CSMD2: variants seen among roughly 807,000 people sequenced by gnomAD.
CSMD2 encodes CUB and Sushi multiple domains 2, also known as CUB and sushi domain-containing protein 2.
In CSMD2, 130 loss-of-function variants were observed where a neutral mutation model predicts 398.5. The observed-to-expected ratio is 0.33, with a 90% CI of 0.28 to 0.38. CSMD2 has a LOEUF of 0.38. Among genes scored for constraint, CSMD2 ranks in the 10% least tolerant of loss-of-function variants. The pLI, the probability that CSMD2 is intolerant of heterozygous loss-of-function variation, is 1.00. For synonymous variants in CSMD2, 1,828 were observed against 1,908.5 expected, an observed-to-expected ratio of 0.96 and a Z score of 1.10; for missense variants, 3,829 against 4,764.9, an observed-to-expected ratio of 0.80 and a Z score of 5.78.
intron 5 of CSMD2, among the ~76,000 whole-genome samples, chr1:33,907,317 C>G (rs535100492): frequency 6.7e-6 from 1 of 150,272 alleles, no homozygotes; most frequent in Non-Finnish European, 1.5e-5. Flanking sequence ...TTAGTAGAGA[C>G]GGGGTTTCAC....
Position 33,577,150 on chromosome 1 carries a change from A to G in CSMD2, c.7576+146T>C, listed in dbSNP as rs543375450. Reference sequence around the variant, plus strand: ...TCTCAAAACACTGAGATTGCTACGCACTACAGATCTTGTAAATGCTTGTGG... The same window carrying G: ...TCTCAAAACACTGAGATTGCTACGCGCTACAGATCTTGTAAATGCTTGTGG... On this transcript the variant is annotated intron_variant, in intron 49 of 70. Transcript: ENST00000373381. The G allele has an allele frequency of 5.5e-6, 4 of 730,568 alleles. No individual in the cohort carries two copies. The Admixed American group carries it at 1.2e-4, about 22-fold the overall frequency. 45.3% of individuals were successfully genotyped at this position (730,568 alleles called of 1,614,324 possible). A position where few individuals can be genotyped will look rare whatever the true frequency, so the allele number is the denominator to read the frequency against.
At position 33,950,553 on chromosome 1, in the gene CSMD2, G is replaced by C. The variant is rs559745469; in HGVS notation, c.518-14599C>G. Among the ~76,000 whole-genome samples, 14 of 152,276 alleles carry C rather than the reference G, an allele frequency of 9.2e-5. No homozygotes were observed. The South Asian group carries it at 2.9e-3, about 32-fold the overall frequency. ...GGTATGTGCAGGGACATGGCATGTG[G>C]GTATTCAGGTAGGAGAGCCTGTTGA... is the stretch of plus-strand genomic sequence containing the variant. On this transcript the variant is annotated intron_variant, in intron 3 of 70. Coordinates refer to ENST00000373381, the MANE Select transcript of CSMD2 (RefSeq NM_001281956.2).
intron 2 of CSMD2, among the ~76,000 whole-genome samples, chr1:34,061,778 G>A (rs74962780): frequency 0.035 from 5,329 of 152,212 alleles, 342 homozygotes; most frequent in African/African-American, 0.12. Context: ...ATAGCTCATC[G>A]TGACTGCAAT....
chr1:33,745,262 A>G (rs972333988), intron 13 of CSMD2, among the ~76,000 whole-genome samples: 6 of 152,190 alleles, frequency 3.9e-5, no homozygotes, highest in African/African-American at 1.4e-4. Flanking sequence ...GCCCCCAAAT[A>G]AAAACTATAT....
At chr1:34,017,993 A>G (rs1395926383) in intron 3 of CSMD2, among the ~76,000 whole-genome samples, 1 of 152,066 alleles carries the variant, frequency 6.6e-6, no homozygotes, top group Non-Finnish European at 1.5e-5. Context: ...CCCATTTGCT[A>G]TTTATCACAC....
In CSMD2 at chr1:33,903,045, G is replaced by C. The variant is rs562466234; in HGVS notation, c.920+15049C>G. ...AAGTGAGTGAATAGCTGAAACTGAC[G>C]TGGCTGCAGAAATTGACATCAAGTG... On this transcript the variant is annotated intron_variant, in intron 5 of 70. Coordinates refer to ENST00000373381, the MANE Select transcript of CSMD2 (RefSeq NM_001281956.2). Among the ~76,000 whole-genome samples, 3 of 152,298 alleles carry C rather than the reference G, an allele frequency of 2.0e-5. No individual in the cohort carries two copies. In the South Asian group the frequency reaches 6.2e-4, roughly 32 times the overall value.
rs766151159 is a variant in CSMD2, at chr1:33,636,601, G to A, written c.4775-47C>T. On this transcript the variant is annotated intron_variant, in intron 29 of 70. Transcript: ENST00000373381. This position sits in a 1 kb window ranked among gnomAD's most constrained non-coding sequence, Gnocchi z 4.8. The stretch of plus-strand genomic sequence containing the variant: ...ACGTGCACACACACAGAGGGCTCAT[G>A]AGGAGGCTATTCTTGGGCTCCAGTG... The A allele has an allele frequency of 2.6e-6, 4 of 1,550,488 alleles. No homozygotes were observed. Among genetic ancestry groups the A allele is most frequent in the Non-Finnish European group, 3.5e-6 (4 of 1,128,086 alleles).
intron 7 of CSMD2, among the ~76,000 whole-genome samples, chr1:33,822,563 A>G (rs1278604839): frequency 1.3e-5 from 2 of 151,922 alleles, no homozygotes; most frequent in African/African-American, 4.8e-5. Context: ...TCTTACGCCC[A>G]TCCCCTTCCT....
Position 34,009,132 on chromosome 1 carries a change from A to G in CSMD2, c.517+23462T>C, listed in dbSNP as rs538329990. 4.3e-4 allele frequency among the ~76,000 whole-genome samples: 66 copies of G among 152,252 alleles called. 3 individuals carry two copies. The South Asian group carries it at 0.014, about 32-fold the overall frequency. Reference sequence around the variant, plus strand: ...TCCTTCTCAGGACCCTTTCTCTCTCAGGACTTAGTGATCCTTTTCTCTTTT... The same window carrying G: ...TCCTTCTCAGGACCCTTTCTCTCTCGGGACTTAGTGATCCTTTTCTCTTTT... On this transcript the variant is annotated intron_variant, in intron 3 of 70. Transcript: ENST00000373381.
intron 14 of CSMD2, among the ~76,000 whole-genome samples, chr1:33,739,543 A>T (rs1456288854): frequency 2.0e-5 from 3 of 152,226 alleles, no homozygotes; most frequent in African/African-American, 7.2e-5. Context: ...CGAGCACCTA[A>T]TCCCACTGCA....
rs114610504 is a variant in CSMD2 at position 33,971,442 on chromosome 1, C to T, written c.518-35488G>A. 3.4e-3 allele frequency among the ~76,000 whole-genome samples: 518 copies of T among 152,330 alleles called. 3 individuals carry two copies. Among genetic ancestry groups the T allele is most frequent in the South Asian group, 7.9e-3 (38 of 4,824 alleles). ...ACAGGCTGGGAGATCTGCAGGGCCT[C>T]GGGAAACATCGTGCCTGGCTCAGGT... On this transcript the variant is annotated intron_variant, in intron 3 of 70. Coordinates refer to ENST00000373381, the MANE Select transcript of CSMD2 (RefSeq NM_001281956.2).
rs372830550 is a variant in CSMD2, at chr1:33,625,263, G to A, written c.5297-9C>T. ...GCTGGTTCGAGGAACCGCTGTGGGG[G>A]ACAAGGGCACTGAGGGGAGGCCTCA... On this transcript the variant is annotated splice_polypyrimidine_tract_variant and intron_variant, in intron 33 of 70. Coordinates refer to ENST00000373381, the MANE Select transcript of CSMD2 (RefSeq NM_001281956.2). 6 of 1,606,802 alleles carry A rather than the reference G, an allele frequency of 3.7e-6. No homozygotes were observed. The highest frequency in any genetic ancestry group is 1.1e-5 in the South Asian group (1 of 89,508).
chr1:33,785,200 C>T (rs183737892), intron 12 of CSMD2, among the ~76,000 whole-genome samples: 1 of 152,348 alleles, frequency 6.6e-6, no homozygotes, highest in Admixed American at 6.5e-5. Context: ...ATGTTGGTCA[C>T]ATAACAAAAG....
chr1:33,690,864 G>A (rs1645211609), intron 25 of CSMD2, among the ~76,000 whole-genome samples: 1 of 152,202 alleles, frequency 6.6e-6, no homozygotes, highest in South Asian at 2.1e-4. Context: ...CTCCAGGAGG[G>A]GAGGTAAGGC....
At chr1:33,871,329 T>C (rs182351939) in intron 5 of CSMD2, among the ~76,000 whole-genome samples, 269 of 152,270 alleles carry the variant, frequency 1.8e-3, no homozygotes, top group South Asian at 7.7e-3. Flanking sequence ...TCAAAGACAA[T>C]TGAAGACACT....
intron 25 of CSMD2, among the ~76,000 whole-genome samples, chr1:33,683,910 T>C (rs1644983380): frequency 6.6e-6 from 1 of 152,234 alleles, no homozygotes; most frequent in Non-Finnish European, 1.5e-5. Context: ...ACCTTCTCTG[T>C]TTAAGGTTTA....
intron 29 of CSMD2, among the ~76,000 whole-genome samples, chr1:33,641,893 G>A (rs771966428): frequency 4.9e-4 from 75 of 152,156 alleles, no homozygotes; most frequent in Non-Finnish European, 8.8e-4. Context: ...TGCTCAATTC[G>A]TATTTACCGA....
chr1:34,118,043 A>C (rs1012971145), intron 1 of CSMD2, among the ~76,000 whole-genome samples: 2 of 152,056 alleles, frequency 1.3e-5, no homozygotes, highest in African/African-American at 4.8e-5. Context: ...GTGAAACCCC[A>C]TCTCTACTAA....
intron 21 of CSMD2, among the ~76,000 whole-genome samples, chr1:33,711,274 T>C (rs1006184482): frequency 1.3e-5 from 2 of 152,200 alleles, no homozygotes; most frequent in Admixed American, 1.3e-4. Flanking sequence ...TTCTGAAGCA[T>C]CTCTCCATTT....
Sources: gnomAD v4.1 joint callset for allele counts (sites outside exome capture counted in the v4.1 genomes callset) on GRCh38, gnomAD v4.1.1 for gene constraint, Gnocchi (gnomAD v3.1) non-coding constraint, MANE v1.5 for transcripts, NCBI Gene and HGNC (gene_info 2026-07-23, HGNC 2026-07-21) for gene names.